The following HLCS variants were observed in gnomAD, a reference collection of about 807,000 sequenced individuals.
HLCS encodes biotin--protein ligase.
A neutral mutation model predicts 75.0 loss-of-function variants in HLCS; 53 were observed. That is an observed-to-expected ratio of 0.71 (90% confidence interval 0.57 to 0.89). HLCS has a LOEUF of 0.89. HLCS is among the 40% of genes least tolerant of loss of function. The probability of loss-of-function intolerance (pLI) is 0.00; values close to 1 mark genes in which losing one functional copy is unlikely to be tolerated. For synonymous variants in HLCS, 431 were observed against 428.6 expected (o/e 1.01, Z -0.07); for missense variants, 966 against 1,074.0 (o/e 0.90, Z 1.41).
Position 36,966,460 on chromosome 21 carries a change from C to T in HLCS, c.179G>A (p.Cys60Tyr). The T allele has an allele frequency of 1.1e-6, 1 of 900,386 alleles. No homozygotes were observed. The highest frequency in any genetic ancestry group is 1.3e-6 in the Non-Finnish European group (1 of 754,652). 55.8% of individuals were successfully genotyped at this position (900,386 alleles called of 1,614,324 possible). A position where few individuals can be genotyped will look rare whatever the true frequency, so the allele number is the denominator to read the frequency against. Residue 60 changes from cysteine (C) to tyrosine (Y), a missense_variant, in exon 1 of 11, where the codon TGC becomes TAC. Physicochemically the swap from Cys to Tyr is radical, Grantham distance 194 (BLOSUM62 -2). Coordinates refer to ENST00000674895, the MANE Select transcript of HLCS (RefSeq NM_001352514.2). ...CCCGCCCACCTGGCTGTCGCTGACG[C>T]AGAAGACGCGGCCGCCACGGCTCAG... is the stretch of plus-strand genomic sequence containing the variant. ...VCLSRGGRVF[C>Y]VSDSQSIEDL...
intron 6 of HLCS, among the ~76,000 whole-genome samples, chr21:36,786,179 G>C (rs1320957571): frequency 6.6e-6 from 1 of 152,042 alleles, no homozygotes; most frequent in East Asian, 1.9e-4. Context: ...AAAAGAAAAT[G>C]CTTCCCATTT....
At position 36,752,543 on chromosome 21, in the gene HLCS, T is replaced by C. The variant is rs1486939542; in HGVS notation, c.*1703A>G. 1.3e-5 allele frequency: 2 copies of C among 152,730 alleles called. No individual in the cohort carries two copies. 9.5% of individuals were successfully genotyped at this position (152,730 alleles called of 1,614,324 possible). ...AGATGCCCTCTCAAGGGTAAGTCCA[T>C]TTTGTAATTTGGGGATGGTGTGGAC... On this transcript the variant is annotated 3_prime_UTR_variant, in exon 11 of 11. Transcript: ENST00000674895.
At chr21:36,972,669 A>G (rs1052685000) in intron 1 of HLCS, among the ~76,000 whole-genome samples, 1 of 152,238 alleles carries the variant, frequency 6.6e-6, no homozygotes, top group Admixed American at 6.5e-5. Context: ...TTTCTGTATT[A>G]ATAAGGAATC....
intron 5 of HLCS, among the ~76,000 whole-genome samples, chr21:36,897,371 C>A (rs1306981336): frequency 2.0e-5 from 3 of 152,290 alleles, no homozygotes. Flanking sequence ...CAGTTCAGTT[C>A]ATGATTATAC....
rs537490759 is a variant in HLCS, at chr21:36,947,670, G to A, written c.331-8676C>T. On this transcript the variant is annotated intron_variant, in intron 2 of 10. Transcript: ENST00000674895. ...AAGTAACTAAAGCTCTTGACTTGATGTTACAATGTATGGCAGCAGGCAAGG... is the reference window on the plus strand; with the variant it reads ...AAGTAACTAAAGCTCTTGACTTGATATTACAATGTATGGCAGCAGGCAAGG... 14 of 985,442 alleles carry A rather than the reference G, an allele frequency of 1.4e-5. No individual in the cohort carries two copies. In the African/African-American group the frequency reaches 2.4e-4, roughly 17 times the overall value. The allele number at this position is 985,442 out of a possible 1,614,324, so 61.0% of individuals were successfully genotyped here. A position where few individuals can be genotyped will look rare whatever the true frequency, so the allele number is the denominator to read the frequency against.
intron 1 of HLCS, 43 bp from the exon 2 acceptor site, chr21:36,962,213 C>T: frequency 1.6e-6 from 2 of 1,243,590 alleles, no homozygotes; most frequent in Non-Finnish European, 2.1e-6. Context: ...TCACTTCATA[C>T]CACAACTGCC....
Position 36,966,509 on chromosome 21 carries a change from G to C in HLCS, c.130C>G (p.Gln44Glu), listed in dbSNP as rs2843959. The change falls in exon 1 of 11, where the codon CAG (glutamine) becomes GAG (glutamate). Residue 44 changes from glutamine (Q) to glutamate (E), a missense_variant. Coordinates refer to ENST00000674895, the MANE Select transcript of HLCS (RefSeq NM_001352514.2). ...CSFTFCGAAAQPPGARVCLSR... is the reference protein window; with the variant it reads ...CSFTFCGAAAEPPGARVCLSR... Reference sequence around the variant, plus strand: ...AGGCACACGCGGGCGCCCGGGGGCTGCGCGGCCGCGCCGCAGAAGGTGAAG... The same window carrying C: ...AGGCACACGCGGGCGCCCGGGGGCTCCGCGGCCGCGCCGCAGAAGGTGAAG... 2,239 of 986,586 alleles carry C rather than the reference G, an allele frequency of 2.3e-3. No homozygotes were observed. The highest frequency in any genetic ancestry group is 2.6e-3 in the Non-Finnish European group (2,133 of 831,624). The allele number at this position is 986,586 out of a possible 1,614,324, so 61.1% of individuals were successfully genotyped here.
chr21:36,893,529 C>G (rs575659713), intron 6 of HLCS, among the ~76,000 whole-genome samples: 1 of 152,278 alleles, frequency 6.6e-6, no homozygotes, highest in South Asian at 2.1e-4. Flanking sequence ...ACCTTTTTGG[C>G]ACCAGGGTCC....
rs2066894249 is a variant in HLCS, at chr21:36,936,634, C to T, written c.1252G>A (p.Val418Ile). ...GALHKTVQNL[V>I]FSKADQSEVK... Reference sequence around the variant, plus strand: ...TCGCTCTGGTCAGCCTTGGAGAAAACCAAGTTCTGGACTGTCTTGTGCAGT... The same window carrying T: ...TCGCTCTGGTCAGCCTTGGAGAAAATCAAGTTCTGGACTGTCTTGTGCAGT... Residue 418 changes from valine (V) to isoleucine (I), a missense_variant, in exon 4 of 11, where the codon GTT (valine) becomes ATT (isoleucine). Transcript: ENST00000674895. The T allele has an allele frequency of 6.2e-7, 1 of 1,614,202 alleles. No individual in the cohort carries two copies. The highest frequency in any genetic ancestry group is 8.5e-7 in the Non-Finnish European group (1 of 1,180,036).
chr21:36,855,927 A>G (rs149628196), intron 6 of HLCS, among the ~76,000 whole-genome samples: 1,939 of 152,260 alleles, frequency 0.013, 22 homozygotes, highest in Non-Finnish European at 0.021. Flanking sequence ...ACATGGGTGA[A>G]TCTTGAAAAT....
At chr21:36,914,674 A>G (rs2835532) in intron 5 of HLCS, among the ~76,000 whole-genome samples, 53,251 of 152,176 alleles carry the variant, frequency 0.35, 9,649 homozygotes, top group Middle Eastern at 0.46. Context: ...TCACTGTAGA[A>G]GCGGAATCTA....
intron 6 of HLCS, among the ~76,000 whole-genome samples, chr21:36,888,382 T>G (rs1393530928): frequency 6.8e-6 from 1 of 146,046 alleles, no homozygotes; most frequent in Non-Finnish European, 1.5e-5. Context: ...ACTATCTTTC[T>G]TAAATGACTG....
chr21:36,921,932 C>T (rs897652429), intron 5 of HLCS, among the ~76,000 whole-genome samples: 5 of 152,212 alleles, frequency 3.3e-5, no homozygotes, highest in South Asian at 4.1e-4. Flanking sequence ...AAGGCACGTT[C>T]TATCTCAGCA....
chr21:36,909,674 C>A (rs961729340), intron 5 of HLCS, among the ~76,000 whole-genome samples: 1 of 152,198 alleles, frequency 6.6e-6, no homozygotes, highest in Non-Finnish European at 1.5e-5. Context: ...ATCACTGTAA[C>A]CTTGAACTCC....
At chr21:36,945,048 A>C (rs1228628187) in intron 2 of HLCS, among the ~76,000 whole-genome samples, 1 of 152,116 alleles carries the variant, frequency 6.6e-6, no homozygotes, top group Non-Finnish European at 1.5e-5. Context: ...TGAACCCAGG[A>C]AGCGGAACTT....
At chr21:36,860,612 T>C (rs1030138281) in intron 6 of HLCS, among the ~76,000 whole-genome samples, 9 of 152,254 alleles carry the variant, frequency 5.9e-5, no homozygotes, top group African/African-American at 2.2e-4. Flanking sequence ...CATTTTATTT[T>C]GGAAGGAGGA....
chr21:36,959,048 T>C (rs1174577170), intron 2 of HLCS, among the ~76,000 whole-genome samples: 2 of 152,146 alleles, frequency 1.3e-5, no homozygotes, highest in Non-Finnish European at 1.5e-5. Context: ...GCTTCTGAGT[T>C]GGCAGGGCAG....
At chr21:36,933,417 A>G (rs2066734789) in intron 4 of HLCS, among the ~76,000 whole-genome samples, 2 of 151,274 alleles carry the variant, frequency 1.3e-5, no homozygotes, top group South Asian at 4.2e-4. Flanking sequence ...CGGGCCTGAT[A>G]GCGCATGCTT....
intron 5 of HLCS, among the ~76,000 whole-genome samples, chr21:36,902,634 C>A (rs1200162163): frequency 6.6e-6 from 1 of 152,148 alleles, no homozygotes; most frequent in Non-Finnish European, 1.5e-5. Context: ...AAATAGGAAG[C>A]AAGATCATCG....
Sources: gnomAD v4.1 joint callset for allele counts (sites outside exome capture counted in the v4.1 genomes callset) on GRCh38, gnomAD v4.1.1 for gene constraint, MANE v1.5 for transcripts, NCBI Gene and HGNC (gene_info 2026-07-23, HGNC 2026-07-21) for gene names.